Variants in NKAIN2 observed in about 807,000 individuals in gnomAD.
The protein encoded by NKAIN2 is sodium/potassium transporting ATPase interacting 2.
A neutral mutation model predicts 32.6 loss-of-function variants in NKAIN2; 14 were observed. The ratio of observed to expected loss-of-function variants is 0.43; its 90% confidence interval spans 0.28 to 0.67. The LOEUF (loss-of-function observed/expected upper bound fraction) is 0.67. Among genes scored for constraint, NKAIN2 ranks in the 30% least tolerant of loss-of-function variants. The probability of loss-of-function intolerance (pLI) is 0.17; values close to 1 mark genes in which losing one functional copy is unlikely to be tolerated. For synonymous variants in NKAIN2, 80 were observed against 87.2 expected, an observed-to-expected ratio of 0.92 and a Z score of 0.46; for missense variants, 198 against 258.3, an observed-to-expected ratio of 0.77 and a Z score of 1.60.
intron 3 of NKAIN2, among the ~76,000 whole-genome samples, chr6:124,550,976 G>A (rs1780265319): frequency 6.6e-6 from 1 of 152,174 alleles, no homozygotes; most frequent in African/African-American, 2.4e-5. Flanking sequence ...CAACCTAATA[G>A]TAGAATTGCA....
intron 3 of NKAIN2, among the ~76,000 whole-genome samples, chr6:124,396,414 A>T (rs1435297321): frequency 1.3e-5 from 2 of 148,344 alleles, no homozygotes. Context: ...AATGAATAAG[A>T]CCTGCTATTT....
intron 3 of NKAIN2, among the ~76,000 whole-genome samples, chr6:124,370,620 G>A (rs1049368379): frequency 2.6e-5 from 4 of 152,060 alleles, no homozygotes; most frequent in Non-Finnish European, 5.9e-5. Context: ...TAGGCATTTT[G>A]TAGCAAAATA....
At chr6:124,584,687 TAAAC>T (rs1781648455) in intron 3 of NKAIN2, among the ~76,000 whole-genome samples, 2 of 144,694 alleles carry the variant, frequency 1.4e-5, no homozygotes, top group Admixed American at 1.4e-4. Context: ...ATACAAATGG[TAAAC>T]AGGCATATGA....
At chr6:124,248,260 A>T (rs1793520324) in intron 1 of NKAIN2, among the ~76,000 whole-genome samples, 1 of 152,006 alleles carries the variant, frequency 6.6e-6, no homozygotes, top group Non-Finnish European at 1.5e-5. Context: ...TTGAAATGGA[A>T]TGATCATAAA....
intron 1 of NKAIN2, among the ~76,000 whole-genome samples, chr6:124,027,297 G>A (rs559543119): frequency 4.1e-4 from 62 of 152,004 alleles, no homozygotes; most frequent in East Asian, 1.9e-3. Context: ...CTGCCACTAC[G>A]CCTGGCTAAT....
chr6:123,998,087 G>T (rs1273320222), intron 1 of NKAIN2, among the ~76,000 whole-genome samples: 1 of 151,896 alleles, frequency 6.6e-6, no homozygotes, highest in African/African-American at 2.4e-5. Context: ...AGAACTATAG[G>T]TTTTACTCCT....
chr6:124,385,059 G>A (rs9482543), intron 3 of NKAIN2, among the ~76,000 whole-genome samples: 14,927 of 152,180 alleles, frequency 0.098, 884 homozygotes, highest in African/African-American at 0.16. Context: ...CCCTGAAATT[G>A]CAAGAATAGA....
intron 2 of NKAIN2, among the ~76,000 whole-genome samples, chr6:124,286,681 CGTGTGTGT>C (rs142033167): frequency 1.5e-5 from 2 of 130,670 alleles, no homozygotes; most frequent in Admixed American, 8.2e-5. Flanking sequence ...TGTGCGCGCG[CGTGTGTGT>C]GTGTGTGTGT....
intron 3 of NKAIN2, among the ~76,000 whole-genome samples, chr6:124,585,711 A>C (rs1781688457): frequency 6.6e-6 from 1 of 151,146 alleles, no homozygotes. Flanking sequence ...TCATTAGGGA[A>C]ATATAAAAAG....
intron 1 of NKAIN2, among the ~76,000 whole-genome samples, chr6:124,139,569 G>A (rs1259639929): frequency 2.6e-5 from 4 of 152,078 alleles, no homozygotes; most frequent in Non-Finnish European, 5.9e-5. Flanking sequence ...AGTAGAAAAA[G>A]AGTTTCACTT....
At chr6:124,185,546 C>G (rs950787152) in intron 1 of NKAIN2, among the ~76,000 whole-genome samples, 1 of 152,104 alleles carries the variant, frequency 6.6e-6, no homozygotes, top group East Asian at 1.9e-4. Flanking sequence ...GCTTTTATAA[C>G]AAATCAAAAT....
chr6:124,445,728 T>A (rs1179289436), intron 3 of NKAIN2, among the ~76,000 whole-genome samples: 2 of 151,090 alleles, frequency 1.3e-5, no homozygotes, highest in African/African-American at 4.9e-5. Context: ...TGTTGGGACA[T>A]TAAAAGGGAA....
intron 1 of NKAIN2, among the ~76,000 whole-genome samples, chr6:123,868,810 C>T (rs555635602): frequency 6.6e-6 from 1 of 152,084 alleles, no homozygotes; most frequent in African/African-American, 2.4e-5. Context: ...GTACTCAGAA[C>T]TCTGCATAAT....
At chr6:124,162,807 A>G (rs1788345272) in intron 1 of NKAIN2, among the ~76,000 whole-genome samples, 2 of 152,050 alleles carry the variant, frequency 1.3e-5, no homozygotes, top group African/African-American at 2.4e-5. Flanking sequence ...CTGCTGTGAT[A>G]CCTTTATGTT....
At chr6:124,030,336 C>G (rs1328551310) in intron 1 of NKAIN2, among the ~76,000 whole-genome samples, 1 of 152,170 alleles carries the variant, frequency 6.6e-6, no homozygotes, top group Non-Finnish European at 1.5e-5. Flanking sequence ...AAACCCATCC[C>G]TGGTGCCAAA....
intron 1 of NKAIN2, among the ~76,000 whole-genome samples, chr6:123,998,755 G>C (rs1385799928): frequency 1.4e-5 from 2 of 147,108 alleles, no homozygotes; most frequent in African/African-American, 5.0e-5. Context: ...GTGTGTGTGT[G>C]TGTGTGTGTG....
chr6:124,167,500 T>C (rs553624223), intron 1 of NKAIN2, among the ~76,000 whole-genome samples: 17 of 152,318 alleles, frequency 1.1e-4, no homozygotes, highest in African/African-American at 3.8e-4. Context: ...CCTAATTGAA[T>C]ACCCTTTATT....
chr6:124,546,579 A>C (rs530331670), intron 3 of NKAIN2, among the ~76,000 whole-genome samples: 47 of 152,014 alleles, frequency 3.1e-4, no homozygotes, highest in Admixed American at 2.0e-3. Flanking sequence ...TTATATATAT[A>C]TATCTCCCCT....
intron 1 of NKAIN2, among the ~76,000 whole-genome samples, chr6:123,913,945 C>G (rs1290032264): frequency 1.3e-5 from 2 of 152,082 alleles, no homozygotes; most frequent in Non-Finnish European, 2.9e-5. Flanking sequence ...TTAATATTTA[C>G]TATGTGCCTG....
Sources: gnomAD v4.1 joint callset for allele counts (sites outside exome capture counted in the v4.1 genomes callset) on GRCh38, gnomAD v4.1.1 for gene constraint, MANE v1.5 for transcripts, NCBI Gene and HGNC (gene_info 2026-07-23, HGNC 2026-07-21) for gene names.